RBFOX1: variants seen among roughly 807,000 people sequenced by gnomAD.
RBFOX1 encodes the protein RNA binding fox-1 homolog 1, also known as RNA binding protein fox-1 homolog 1.
In RBFOX1, 8 loss-of-function variants were observed where a neutral mutation model predicts 57.7. The ratio of observed to expected loss-of-function variants is 0.14; its 90% CI spans 0.08 to 0.25. The LOEUF (loss-of-function observed/expected upper bound fraction) is 0.25. RBFOX1 is among the 10% of genes least tolerant of loss of function. RBFOX1 has a pLI of 1.00. For missense variants in RBFOX1, 611 were observed against 548.5 expected (o/e 1.11, Z -1.14); for synonymous variants, 326 against 222.4 (o/e 1.47, Z -4.15).
intron 3 of RBFOX1, among the ~76,000 whole-genome samples, chr16:5,825,159 A>G (rs1006770490): frequency 6.6e-6 from 1 of 152,196 alleles, no homozygotes; most frequent in African/African-American, 2.4e-5. Context: ...GCCCAGGTTT[A>G]AGTCCCAGCT....
At chr16:6,196,190 A>T (rs1055749989) in intron 1 of RBFOX1, among the ~76,000 whole-genome samples, 2 of 152,150 alleles carry the variant, frequency 1.3e-5, no homozygotes, top group East Asian at 1.9e-4. Flanking sequence ...TGAGGCCTCA[A>T]AGAGTTAATT....
chr16:5,969,036 G>GT (rs1461743803), intron 4 of RBFOX1, among the ~76,000 whole-genome samples: 1 of 151,890 alleles, frequency 6.6e-6, no homozygotes, highest in Non-Finnish European at 1.5e-5. Context: ...ATTAAAATGA[G>GT]TTTTTTCTTT....
At chr16:7,304,117 A>G in intron 4 of RBFOX1, 1 of 751,768 alleles carries the variant, frequency 1.3e-6, no homozygotes, top group Non-Finnish European at 1.6e-6. Context: ...GCCGGGATCT[A>G]GCACATCCCC....
intron 3 of RBFOX1, among the ~76,000 whole-genome samples, chr16:6,720,929 G>C (rs2065867763): frequency 6.6e-6 from 1 of 152,074 alleles, no homozygotes; most frequent in Non-Finnish European, 1.5e-5. Context: ...AATTGGTTTT[G>C]AAGCTCCAGG....
At position 5,785,476 on chromosome 16, in the gene RBFOX1, A is replaced by C. The variant is rs552662467; in HGVS notation, c.319-81827A>C. Among the ~76,000 whole-genome samples, 162 of 151,810 alleles carry C rather than the reference A, an allele frequency of 1.1e-3. 1 individual carries two copies. The highest frequency in any genetic ancestry group is 3.8e-3 in the African/African-American group (157 of 41,422). ...TCTGTCCTACCTTCTGTATATTATC[A>C]GGGTCTCTGCATGGTGTCTTCAATT... On this transcript the variant is annotated intron_variant, in intron 3 of 19. Coordinates refer to the RBFOX1 transcript ENST00000641259.
At chr16:6,533,586 T>C (rs2345021) in intron 2 of RBFOX1, among the ~76,000 whole-genome samples, 75,903 of 147,232 alleles carry the variant, frequency 0.52, 19,093 homozygotes, top group East Asian at 0.69. Flanking sequence ...GTCAAGTGAT[T>C]TTTTTTTTTT....
chr16:5,879,192 G>T (rs560794315), intron 4 of RBFOX1, among the ~76,000 whole-genome samples: 10 of 152,308 alleles, frequency 6.6e-5, no homozygotes, highest in African/African-American at 2.4e-4. Context: ...TTTAGCTAAT[G>T]GGGACTGACT....
chr16:6,408,787 C>T (rs144025074), intron 2 of RBFOX1, among the ~76,000 whole-genome samples: 131 of 152,240 alleles, frequency 8.6e-4, no homozygotes, highest in African/African-American at 3.1e-3. Context: ...AGGAAAATGA[C>T]AGTGATTTGT....
At chr16:7,151,458 A>C (rs942062039) in intron 4 of RBFOX1, among the ~76,000 whole-genome samples, 2 of 151,988 alleles carry the variant, frequency 1.3e-5, no homozygotes, top group East Asian at 1.9e-4. Context: ...TCATCCTTCA[A>C]CTCCCTCCTG....
intron 4 of RBFOX1, among the ~76,000 whole-genome samples, chr16:5,953,498 C>G (rs1486614856): frequency 2.0e-5 from 3 of 151,920 alleles, no homozygotes; most frequent in African/African-American, 4.8e-5. Context: ...TCCTTCCCAC[C>G]CTTTCCCCCC....
At chr16:5,636,924 C>A (rs1402103067) in intron 3 of RBFOX1, among the ~76,000 whole-genome samples, 1 of 152,174 alleles carries the variant, frequency 6.6e-6, no homozygotes, top group Non-Finnish European at 1.5e-5. Flanking sequence ...GAGGCCTGAG[C>A]CTGCTGGCCT....
At position 6,439,550 on chromosome 16, in the gene RBFOX1, A is replaced by C. The variant is rs181767091; in HGVS notation, c.-64+122493A>C. Among the ~76,000 whole-genome samples, 220 of 152,206 alleles carry C rather than the reference A, an allele frequency of 1.4e-3. 1 individual carries two copies. Among genetic ancestry groups the C allele is most frequent in the African/African-American group, 4.9e-3 (205 of 41,542 alleles). ...GAGCTGCCCCAGTCATCCAACCTGC[A>C]GTTTGGGTACAGGGAAGTGTTGACT... On this transcript the variant is annotated intron_variant, in intron 2 of 15. Coordinates refer to ENST00000550418, the MANE Select transcript of RBFOX1 (RefSeq NM_018723.4).
chr16:5,308,325 TAA>T (rs1218038732), intron 1 of RBFOX1, among the ~76,000 whole-genome samples: 14 of 87,718 alleles, frequency 1.6e-4, no homozygotes, highest in Admixed American at 1.5e-4. Context: ...AGGCTCTGTC[TAA>T]AAAAAAAAAA....
At position 5,317,727 on chromosome 16, in the gene RBFOX1, G is replaced by C. The variant is rs182014993; in HGVS notation, c.219+77622G>C. Among the ~76,000 whole-genome samples, 428 of 152,308 alleles carry C rather than the reference G, an allele frequency of 2.8e-3. 1 individual carries two copies. Among genetic ancestry groups the C allele is most frequent in the Non-Finnish European group, 4.9e-3 (334 of 68,030 alleles). On this transcript the variant is annotated intron_variant, in intron 1 of 2. Transcript: ENST00000585867. ...TTTGTTTTCTTTTGTTTCTTCTCGT[G>C]ATCAGGCATTGCTTTGCGTTTCTTC...
At chr16:6,240,369 G>A (rs368954908) in intron 1 of RBFOX1, among the ~76,000 whole-genome samples, 1 of 152,108 alleles carries the variant, frequency 6.6e-6, no homozygotes, top group East Asian at 1.9e-4. Context: ...TAAAGTAACT[G>A]TTGGCTTTCA....
intron 4 of RBFOX1, among the ~76,000 whole-genome samples, chr16:7,452,242 C>A (rs577990835): frequency 6.6e-6 from 1 of 152,154 alleles, no homozygotes; most frequent in Non-Finnish European, 1.5e-5. Flanking sequence ...TTGGTTAAAG[C>A]ACTTTAGTAA....
chr16:6,647,372 G>A (rs530929193), intron 2 of RBFOX1, among the ~76,000 whole-genome samples: 173 of 152,244 alleles, frequency 1.1e-3, no homozygotes, highest in South Asian at 4.4e-3. Flanking sequence ...CAGCCTCCAA[G>A]TAGCTGGGAT....
intron 1 of RBFOX1, among the ~76,000 whole-genome samples, chr16:5,298,173 G>A (rs907581472): frequency 4.6e-5 from 7 of 152,172 alleles, no homozygotes; most frequent in Non-Finnish European, 1.0e-4. Context: ...GATGGTTTAA[G>A]AAAATTTGGA....
intron 11 of RBFOX1, among the ~76,000 whole-genome samples, chr16:7,632,522 A>G (rs951753200): frequency 6.6e-6 from 1 of 152,210 alleles, no homozygotes; most frequent in Non-Finnish European, 1.5e-5. Context: ...TGTGTAATAG[A>G]TTTGTCTTCT....
Sources: gnomAD v4.1 joint callset for allele counts (sites outside exome capture counted in the v4.1 genomes callset) on GRCh38, gnomAD v4.1.1 for gene constraint, MANE v1.5 for transcripts, NCBI Gene and HGNC (gene_info 2026-07-23, HGNC 2026-07-21) for gene names.